The following KIRREL3 variants were observed in gnomAD, a reference collection of about 807,000 sequenced individuals.
KIRREL3 encodes the protein kirre like nephrin family adhesion molecule 3.
A neutral mutation model predicts 89.7 loss-of-function variants in KIRREL3; 36 were observed. The ratio of observed to expected loss-of-function variants is 0.40; its 90% confidence interval spans 0.31 to 0.53. The LOEUF (loss-of-function observed/expected upper bound fraction) is 0.53, where lower values mean the gene tolerates loss of function less well. KIRREL3 is among the 20% of genes least tolerant of loss of function. KIRREL3 has a pLI of 0.49. For synonymous variants in KIRREL3, 445 were observed against 441.4 expected, an observed-to-expected ratio of 1.01 and a Z score of -0.10; for missense variants, 864 against 1,056.6, an observed-to-expected ratio of 0.82 and a Z score of 2.53.
chr11:126,733,381 C>T (rs58352754), intron 1 of KIRREL3, among the ~76,000 whole-genome samples: 1 of 152,038 alleles, frequency 6.6e-6, no homozygotes, highest in Admixed American at 6.5e-5. Context: ...ACCTGAGACA[C>T]CTTAATTCTC....
chr11:126,424,168 A>G lies in KIRREL3; in HGVS notation c.*412T>C, dbSNP rs1954836104. Reference sequence around the variant, plus strand: ...CAGGGCTGTATGGGAGCACAGGCACAGGGGTAGGTAGAGCTTCTGGTCAGC... The same window carrying G: ...CAGGGCTGTATGGGAGCACAGGCACGGGGGTAGGTAGAGCTTCTGGTCAGC... On this transcript the variant is annotated 3_prime_UTR_variant, in exon 17 of 17. Coordinates refer to ENST00000525144, the MANE Select transcript of KIRREL3 (RefSeq NM_032531.4). The G allele has an allele frequency of 4.2e-6, 1 of 240,200 alleles. No homozygotes were observed. Among genetic ancestry groups the G allele is most frequent in the African/African-American group, 2.2e-5 (1 of 45,422 alleles). 14.9% of individuals were successfully genotyped at this position (240,200 alleles called of 1,614,324 possible).
Position 126,802,432 on chromosome 11 carries a change from A to G in KIRREL3, c.55+198023T>C, listed in dbSNP as rs966705303. Among the ~76,000 whole-genome samples, 1 of 152,190 alleles carries G rather than the reference A, an allele frequency of 6.6e-6. No individual in the cohort carries two copies. Among genetic ancestry groups the G allele is most frequent in the African/African-American group, 2.4e-5 (1 of 41,456 alleles). On this transcript the variant is annotated intron_variant, in intron 1 of 16. Coordinates refer to ENST00000525144, the MANE Select transcript of KIRREL3 (RefSeq NM_032531.4). The surrounding 1 kb of genome is among the most constrained non-coding windows in gnomAD (Gnocchi z 5.2). ...ATTAAAACATTGATGAGAAAAATAT[A>G]TCACTTTCCAGCTGGGTCCATAGTC...
intron 4 of KIRREL3, among the ~76,000 whole-genome samples, chr11:126,497,114 G>C (rs1026024656): frequency 6.6e-6 from 1 of 150,410 alleles, no homozygotes; most frequent in African/African-American, 2.5e-5. Context: ...GCTTGGCTGT[G>C]TGTGTGTGTG....
chr11:126,676,413 T>G lies in KIRREL3; in HGVS notation c.56-113501A>C, dbSNP rs1340208390. 1.3e-5 allele frequency among the ~76,000 whole-genome samples: 2 copies of G among 152,172 alleles called. No individual in the cohort carries two copies. The highest frequency in any genetic ancestry group is 2.9e-5 in the Non-Finnish European group (2 of 68,022). ...GAATTCTCTCCTACCCTGGGGCCTC[T>G]CTAGTCCCCCAGGGCCACTGGGCTG... On this transcript the variant is annotated intron_variant, in intron 1 of 16. Transcript: ENST00000525144. This position sits in a 1 kb window ranked among gnomAD's most constrained non-coding sequence, Gnocchi z 4.5.
At chr11:126,804,837 G>C (rs1454502129) in intron 1 of KIRREL3, among the ~76,000 whole-genome samples, 6 of 152,116 alleles carry the variant, frequency 3.9e-5, no homozygotes, top group African/African-American at 1.4e-4. Context: ...TTGGGTGCAG[G>C]CTTCAGGATT....
At chr11:126,864,140 A>G (rs1474825640) in intron 1 of KIRREL3, among the ~76,000 whole-genome samples, 3 of 152,252 alleles carry the variant, frequency 2.0e-5, no homozygotes, top group Admixed American at 6.5e-5. Flanking sequence ...GATGCAACTT[A>G]TAAAAGCCCT....
At chr11:126,468,233 G>T (rs1168359774) in intron 5 of KIRREL3, among the ~76,000 whole-genome samples, 3 of 152,204 alleles carry the variant, frequency 2.0e-5, no homozygotes, top group Non-Finnish European at 4.4e-5. Flanking sequence ...AAAGAATGTG[G>T]TCTCCACTCT....
At position 126,430,612 on chromosome 11, in the gene KIRREL3, A is replaced by G. The variant is rs1955095150; in HGVS notation, c.1696+807T>C. Reference sequence around the variant, plus strand: ...CTCGGAGTGCAGAAAATGCAAGGGGAACAGCTTTCTTCAAACATGTGCAGG... The same window carrying G: ...CTCGGAGTGCAGAAAATGCAAGGGGGACAGCTTTCTTCAAACATGTGCAGG... On this transcript the variant is annotated intron_variant, in intron 14 of 16. Coordinates refer to ENST00000525144, the MANE Select transcript of KIRREL3 (RefSeq NM_032531.4). This position sits in a 1 kb window ranked among gnomAD's most constrained non-coding sequence, Gnocchi z 6.6. 1.3e-5 allele frequency among the ~76,000 whole-genome samples: 2 copies of G among 152,120 alleles called. No individual in the cohort carries two copies. Among genetic ancestry groups the G allele is most frequent in the Non-Finnish European group, 1.5e-5 (1 of 68,018 alleles).
At position 126,651,544 on chromosome 11, in the gene KIRREL3, G is replaced by T. The variant is rs1944907985; in HGVS notation, c.56-88632C>A. On this transcript the variant is annotated intron_variant, in intron 1 of 16. Coordinates refer to ENST00000525144, the MANE Select transcript of KIRREL3 (RefSeq NM_032531.4). This position sits in a 1 kb window ranked among gnomAD's most constrained non-coding sequence, Gnocchi z 4.6. ...TCTTGGGAATAAATCTCTTATTTTG[G>T]TAGCACTTTCAAATAAGTGGCAGCA... Among the ~76,000 whole-genome samples the T allele has an allele frequency of 6.6e-6, 1 of 152,162 alleles. No homozygotes were observed. The highest frequency in any genetic ancestry group is 1.5e-5 in the Non-Finnish European group (1 of 68,032).
rs1445158409 is a variant in KIRREL3, at chr11:126,715,759, G to C, written c.56-152847C>G. 6.6e-6 allele frequency among the ~76,000 whole-genome samples: 1 copy of C among 152,180 alleles called. No homozygotes were observed. On this transcript the variant is annotated intron_variant, in intron 1 of 16. Transcript: ENST00000525144. This position sits in a 1 kb window ranked among gnomAD's most constrained non-coding sequence, Gnocchi z 4.4. ...CAAACATCAGAGAGACTGCACAAGA[G>C]CAAGAGGGAAGACAGAGAATGTTCA...
rs1950036574 is a variant in KIRREL3, at chr11:126,991,571, A to G, written c.55+8884T>C. Among the ~76,000 whole-genome samples, 1 of 152,118 alleles carries G rather than the reference A, an allele frequency of 6.6e-6. No individual in the cohort carries two copies. Among genetic ancestry groups the G allele is most frequent in the Non-Finnish European group, 1.5e-5 (1 of 68,032 alleles). ...CTTCAGCCCCAAAGCCTGGCCTGTT[A>G]TTTCCTCTGGAAACTTTGTACCCCG... On this transcript the variant is annotated intron_variant, in intron 1 of 16. Transcript: ENST00000525144. The surrounding 1 kb of genome is among the most constrained non-coding windows in gnomAD (Gnocchi z 5.8).
rs1940550869 is a variant in KIRREL3 at position 126,566,734 on chromosome 11, C to T, written c.56-3822G>A. On this transcript the variant is annotated intron_variant, in intron 1 of 16. Coordinates refer to ENST00000525144, the MANE Select transcript of KIRREL3 (RefSeq NM_032531.4). The surrounding 1 kb of genome is among the most constrained non-coding windows in gnomAD (Gnocchi z 4.9). Reference sequence around the variant, plus strand: ...TGGGATGTTTTCTAGCCTTAGAATTCCTTCATTCTTACTAGTAATGTAGTG... The same window carrying T: ...TGGGATGTTTTCTAGCCTTAGAATTTCTTCATTCTTACTAGTAATGTAGTG... 2.0e-5 allele frequency among the ~76,000 whole-genome samples: 3 copies of T among 152,182 alleles called. No individual in the cohort carries two copies. In the South Asian group the frequency reaches 6.2e-4, roughly 31 times the overall value.
In KIRREL3 at chr11:126,627,268, C is replaced by T. The variant is rs1943831116; in HGVS notation, c.56-64356G>A. ...ATTTGGGAGAGGTGGCTGTAGGATG[C>T]TGAGGATTCCTGGGGGAGATGAGGA... is the stretch of plus-strand genomic sequence containing the variant. On this transcript the variant is annotated intron_variant, in intron 1 of 16. Coordinates refer to ENST00000525144, the MANE Select transcript of KIRREL3 (RefSeq NM_032531.4). This position sits in a 1 kb window ranked among gnomAD's most constrained non-coding sequence, Gnocchi z 5.0. 6.6e-6 allele frequency among the ~76,000 whole-genome samples: 1 copy of T among 152,132 alleles called. No individual in the cohort carries two copies. The highest frequency in any genetic ancestry group is 2.1e-4 in the South Asian group (1 of 4,818).
In KIRREL3 at chr11:126,571,485, T is replaced by A. The variant is rs1166810875; in HGVS notation, c.56-8573A>T. ...TGTCTGCCACCTGGGACCAGGCTCATGTAGTTCACCATCACAATGAAAGCT... is the reference window on the plus strand; with the variant it reads ...TGTCTGCCACCTGGGACCAGGCTCAAGTAGTTCACCATCACAATGAAAGCT... On this transcript the variant is annotated intron_variant, in intron 1 of 16. Transcript: ENST00000525144. The surrounding 1 kb of genome is among the most constrained non-coding windows in gnomAD (Gnocchi z 7.7). Among the ~76,000 whole-genome samples the A allele has an allele frequency of 6.6e-6, 1 of 152,238 alleles. No homozygotes were observed. The highest frequency in any genetic ancestry group is 1.5e-5 in the Non-Finnish European group (1 of 68,040).
chr11:126,790,896 T>C (rs1950619886), intron 1 of KIRREL3, among the ~76,000 whole-genome samples: 1 of 152,184 alleles, frequency 6.6e-6, no homozygotes, highest in Non-Finnish European at 1.5e-5. Context: ...AAATGACGGA[T>C]GGAACCGTCA....
In KIRREL3 at chr11:126,471,846, A is replaced by C. The variant is rs2134278260; in HGVS notation, c.591+1463T>G. On this transcript the variant is annotated intron_variant, in intron 5 of 16. Transcript: ENST00000525144. This position sits in a 1 kb window ranked among gnomAD's most constrained non-coding sequence, Gnocchi z 5.4. ...GTCAAAGCATCATAAAATACACAAC[A>C]TTTTAAAGACACAATTAATACGGGG... Among the ~76,000 whole-genome samples, 1 of 152,314 alleles carries C rather than the reference A, an allele frequency of 6.6e-6. No homozygotes were observed. The highest frequency in any genetic ancestry group is 1.5e-5 in the Non-Finnish European group (1 of 68,020).
rs753862837 is a variant in KIRREL3 at position 126,704,783 on chromosome 11, A to T, written c.56-141871T>A. Among the ~76,000 whole-genome samples, 1 of 152,212 alleles carries T rather than the reference A, an allele frequency of 6.6e-6. No homozygotes were observed. The highest frequency in any genetic ancestry group is 2.4e-5 in the African/African-American group (1 of 41,458). ...ACCAGTCCAAAGGCTTGATACAGGA[A>T]CCACATCAGAATTGGTGACAAAACA... On this transcript the variant is annotated intron_variant, in intron 1 of 16. Coordinates refer to ENST00000525144, the MANE Select transcript of KIRREL3 (RefSeq NM_032531.4). The surrounding 1 kb of genome is among the most constrained non-coding windows in gnomAD (Gnocchi z 4.2).
In KIRREL3 at chr11:126,608,505, G is replaced by T. The variant is rs939970844; in HGVS notation, c.56-45593C>A. Among the ~76,000 whole-genome samples, 1 of 151,886 alleles carries T rather than the reference G, an allele frequency of 6.6e-6. No individual in the cohort carries two copies. Among genetic ancestry groups the T allele is most frequent in the Non-Finnish European group, 1.5e-5 (1 of 68,006 alleles). On this transcript the variant is annotated intron_variant, in intron 1 of 16. Transcript: ENST00000525144. The surrounding 1 kb of genome is among the most constrained non-coding windows in gnomAD (Gnocchi z 4.9). ...TGCGCGTCTGGCATTCCTCCAGTGC[G>T]TTCCCAGGCAGGTGTTTTGAGAAAC... is the stretch of plus-strand genomic sequence containing the variant.
Position 126,867,508 on chromosome 11 carries a change from A to T in KIRREL3, c.55+132947T>A, listed in dbSNP as rs868044406. Among the ~76,000 whole-genome samples the T allele has an allele frequency of 1.1e-4, 16 of 152,318 alleles. No individual in the cohort carries two copies. Among genetic ancestry groups the T allele is most frequent in the Middle Eastern group, 6.8e-3 (2 of 294 alleles). On this transcript the variant is annotated intron_variant, in intron 1 of 16. Transcript: ENST00000525144. The surrounding 1 kb of genome is among the most constrained non-coding windows in gnomAD (Gnocchi z 4.7). ...TCTGTAACTCAGCCAGCCCTTTCTG[A>T]TAAGTCACTTCCCCAAACTTCCATA... is the stretch of plus-strand genomic sequence containing the variant.
Sources: gnomAD v4.1 joint callset for allele counts (sites outside exome capture counted in the v4.1 genomes callset) on GRCh38, gnomAD v4.1.1 for gene constraint, Gnocchi (gnomAD v3.1) non-coding constraint, MANE v1.5 for transcripts, NCBI Gene and HGNC (gene_info 2026-07-23, HGNC 2026-07-21) for gene names.